The following ANO4 variants were observed in gnomAD, a reference collection of about 807,000 sequenced individuals.
ANO4 encodes anoctamin 4, also known as anoctamin-4.
In ANO4, 69 loss-of-function variants were observed where a neutral mutation model predicts 141.9. The ratio of observed to expected loss-of-function variants is 0.49; its 90% confidence interval spans 0.40 to 0.59. The LOEUF is 0.59. Ranked by LOEUF, ANO4 falls within the 20% of genes least tolerant of loss-of-function variation. The pLI, the probability that ANO4 is intolerant of heterozygous loss-of-function variation, is 0.00. For missense variants in ANO4, 894 were observed against 1,162.2 expected (o/e 0.77, Z 3.36); for synonymous variants, 350 against 394.3 (o/e 0.89, Z 1.33).
At chr12:100,829,401 GC>G (rs2135766706) in intron 1 of ANO4, among the ~76,000 whole-genome samples, 1 of 152,178 alleles carries the variant, frequency 6.6e-6, no homozygotes, top group African/African-American at 2.4e-5. Flanking sequence ...AGAATGGCAT[GC>G]AATAGTTGCT....
intron 9 of ANO4, among the ~76,000 whole-genome samples, chr12:101,032,597 C>A (rs911817222): frequency 6.6e-6 from 1 of 152,098 alleles, no homozygotes; most frequent in Admixed American, 6.5e-5. Flanking sequence ...CCAGAATCTA[C>A]AATGAACTCA....
At chr12:100,907,265 C>G (rs950811367) in intron 2 of ANO4, among the ~76,000 whole-genome samples, 1 of 152,168 alleles carries the variant, frequency 6.6e-6, no homozygotes, top group Non-Finnish European at 1.5e-5. Context: ...TAGTATTTCT[C>G]AAGCAGGCTT....
At chr12:100,798,789 T>G (rs1291950751) in intron 1 of ANO4, among the ~76,000 whole-genome samples, 2 of 152,230 alleles carry the variant, frequency 1.3e-5, no homozygotes, top group Admixed American at 1.3e-4. Context: ...CTCTTAAGTC[T>G]GAAGAGCGAA....
upstream of ANO4, among the ~76,000 whole-genome samples, chr12:100,791,830 G>A (rs192748762): frequency 5.3e-5 from 8 of 152,290 alleles, no homozygotes; most frequent in African/African-American, 1.7e-4. Flanking sequence ...CACTATGGGT[G>A]CTGCAAAGGC....
intron 14 of ANO4, among the ~76,000 whole-genome samples, chr12:101,074,679 A>C (rs1310447969): frequency 6.6e-6 from 1 of 152,234 alleles, no homozygotes; most frequent in Non-Finnish European, 1.5e-5. Context: ...ATTGCAAGAC[A>C]AAAGAGAAGC....
At chr12:100,872,207 G>A (rs971127659) in intron 1 of ANO4, among the ~76,000 whole-genome samples, 21 of 152,156 alleles carry the variant, frequency 1.4e-4, no homozygotes, top group African/African-American at 5.1e-4. Context: ...GAGAATCCAA[G>A]AAGACTAAGA....
At chr12:100,744,730 A>G (rs1427996205) in intron 3 of ANO4, among the ~76,000 whole-genome samples, 2 of 152,112 alleles carry the variant, frequency 1.3e-5, no homozygotes, top group Non-Finnish European at 2.9e-5. Flanking sequence ...AATTATGTCT[A>G]TTTTAGAAAT....
chr12:100,844,444 G>A (rs2037452904), intron 1 of ANO4, among the ~76,000 whole-genome samples: 1 of 152,132 alleles, frequency 6.6e-6, no homozygotes, highest in African/African-American at 2.4e-5. Flanking sequence ...CTGACTGGAT[G>A]TGAGGATGCC....
intron 8 of ANO4, among the ~76,000 whole-genome samples, chr12:101,007,992 C>T (rs2045940273): frequency 6.6e-6 from 1 of 152,180 alleles, no homozygotes; most frequent in African/African-American, 2.4e-5. Flanking sequence ...AGTCTACCTT[C>T]AAGCTGGAAC....
intron 26 of ANO4, 38 bp from the exon 27 acceptor site, chr12:101,126,841 C>T (rs1198889208): frequency 1.3e-6 from 2 of 1,576,790 alleles, no homozygotes; most frequent in South Asian, 1.1e-5. Flanking sequence ...TCAGGATGCA[C>T]AGTAGACCTG....
chr12:101,086,911 C>G (rs1310910209), intron 17 of ANO4, 87 bp downstream of exon 17: 1 of 1,476,760 alleles, frequency 6.8e-7, no homozygotes, highest in African/African-American at 1.4e-5. Flanking sequence ...GGGATCTGGC[C>G]TCAGAGAGGT....
intron 5 of ANO4, among the ~76,000 whole-genome samples, chr12:100,964,532 A>G (rs570804206): frequency 6.6e-5 from 10 of 152,246 alleles, no homozygotes; most frequent in African/African-American, 2.2e-4. Flanking sequence ...TCCTAGCCCC[A>G]GAATTTTAGA....
intron 7 of ANO4, 26 bp downstream of exon 7, chr12:100,974,915 GTGTT>G (rs1442459490): frequency 1.3e-5 from 21 of 1,613,352 alleles, no homozygotes; most frequent in Non-Finnish European, 1.7e-5. Flanking sequence ...TGTCCTGACA[GTGTT>G]TGTCTTTCTG....
intron 22 of ANO4, among the ~76,000 whole-genome samples, chr12:101,103,877 T>C (rs1031278344): frequency 6.6e-6 from 1 of 151,982 alleles, no homozygotes; most frequent in African/African-American, 2.4e-5. Flanking sequence ...CAGGAAGAAC[T>C]TTAATTATAG....
intron 1 of ANO4, among the ~76,000 whole-genome samples, chr12:100,859,690 G>T (rs781054628): frequency 6.6e-6 from 1 of 152,130 alleles, no homozygotes; most frequent in African/African-American, 2.4e-5. Flanking sequence ...CAATAGTTTT[G>T]TGTTATATAA....
At chr12:100,809,143 G>A (rs2035240325) in intron 1 of ANO4, among the ~76,000 whole-genome samples, 1 of 152,140 alleles carries the variant, frequency 6.6e-6, no homozygotes, top group Non-Finnish European at 1.5e-5. Flanking sequence ...CACTCTGGGA[G>A]GCCAAGGTGG....
Position 100,987,667 on chromosome 12 carries a change from A to G in ANO4, c.731A>G (p.His244Arg). 6.2e-7 allele frequency: 1 copy of G among 1,613,916 alleles called. No individual in the cohort carries two copies. The highest frequency in any genetic ancestry group is 8.5e-7 in the Non-Finnish European group (1 of 1,179,924). ...YTAPFSQQRI[H>R]HFIIHNKETF... ...GCCCCTTTCAGCCAGCAAAGGATCCATCAGTGAGTGTTCCATGTTAAAGCC... is the reference window on the plus strand; with the variant it reads ...GCCCCTTTCAGCCAGCAAAGGATCCGTCAGTGAGTGTTCCATGTTAAAGCC... Residue 244 changes from histidine to arginine, a missense_variant, in exon 8 of 28, where the codon CAT (histidine) becomes CGT (arginine). Transcript: ENST00000392977.
intron 22 of ANO4, among the ~76,000 whole-genome samples, chr12:101,103,226 T>TATAC: frequency 7.3e-6 from 1 of 136,302 alleles, no homozygotes; most frequent in South Asian, 2.3e-4. Context: ...TATATATATA[T>TATAC]ATATCTTTTT....
chr12:100,738,491 C>A (rs1045791827), intron 2 of ANO4, among the ~76,000 whole-genome samples: 2 of 152,024 alleles, frequency 1.3e-5, no homozygotes, highest in East Asian at 1.9e-4. Flanking sequence ...ACAAAAAAGA[C>A]TTGTTAGCTG....
Sources: gnomAD v4.1 joint callset for allele counts (sites outside exome capture counted in the v4.1 genomes callset) on GRCh38, gnomAD v4.1.1 for gene constraint, MANE v1.5 for transcripts, NCBI Gene and HGNC (gene_info 2026-07-23, HGNC 2026-07-21) for gene names.